GABRR1: variants seen among roughly 807,000 people sequenced by gnomAD.
GABRR1 encodes the protein gamma-aminobutyric acid type A receptor subunit rho1.
GABRR1 carries 59 observed loss-of-function variants against 55.5 expected under a neutral mutation model. That is an observed-to-expected ratio of 1.06 (90% confidence interval 0.86 to 1.32). GABRR1 has a LOEUF of 1.32. Among genes scored for constraint, GABRR1 ranks in the 40% most tolerant of loss-of-function variants. The probability of loss-of-function intolerance (pLI) is 0.00; values close to 1 mark genes in which losing one functional copy is unlikely to be tolerated. For synonymous variants in GABRR1, 213 were observed against 226.0 expected, an observed-to-expected ratio of 0.94 and a Z score of 0.51; for missense variants, 602 against 619.1, an observed-to-expected ratio of 0.97 and a Z score of 0.29.
chr6:89,192,050 A>G (rs2127795042), intron 5 of GABRR1, among the ~76,000 whole-genome samples: 1 of 152,070 alleles, frequency 6.6e-6, no homozygotes, highest in South Asian at 2.1e-4. Context: ...GAAAAAAAAA[A>G]AAAGAAAAAT....
chr6:89,197,948 CA>C (rs758457192), intron 5 of GABRR1, 71 bp downstream of exon 5: 61 of 1,411,738 alleles, frequency 4.3e-5, no homozygotes, highest in Non-Finnish European at 6.0e-5. Context: ...CATTCAGAGC[CA>C]AAAACCCAAA....
intron 7 of GABRR1, 25 bp downstream of exon 7, chr6:89,185,285 C>G: frequency 6.2e-7 from 1 of 1,612,996 alleles, no homozygotes. Context: ...CCTGCCCTGA[C>G]TCTCAGCCCT....
Position 89,187,452 on chromosome 6 carries a change from T to C in GABRR1, c.656-2002A>G, listed in dbSNP as rs562419011. On this transcript the variant is annotated intron_variant, in intron 6 of 9. Coordinates refer to ENST00000454853, the MANE Select transcript of GABRR1 (RefSeq NM_002042.5). ...CCATTCGTGGGTTGCATTTACTCTGTTGATAATGTTTTGATGCACAGCATT... is the reference window on the plus strand; with the variant it reads ...CCATTCGTGGGTTGCATTTACTCTGCTGATAATGTTTTGATGCACAGCATT... 1.6e-4 allele frequency among the ~76,000 whole-genome samples: 24 copies of C among 152,336 alleles called. No individual in the cohort carries two copies. In the South Asian group the frequency reaches 4.8e-3, roughly 30 times the overall value.
chr6:89,199,622 G>A (rs1307950276), intron 3 of GABRR1, among the ~76,000 whole-genome samples, 193 bp from the exon 4 acceptor site: 4 of 152,154 alleles, frequency 2.6e-5, no homozygotes, highest in Non-Finnish European at 4.4e-5. Context: ...TATTCCAACA[G>A]AAGTTTGAAA....
At chr6:89,207,862 A>G (rs1215073263) in intron 1 of GABRR1, among the ~76,000 whole-genome samples, 1 of 152,222 alleles carries the variant, frequency 6.6e-6, no homozygotes, top group East Asian at 1.9e-4. Context: ...CTCTGAGGCC[A>G]TGACCTGGTA....
chr6:89,210,930 G>A (rs1772816058), intron 1 of GABRR1, among the ~76,000 whole-genome samples: 1 of 152,102 alleles, frequency 6.6e-6, no homozygotes, highest in Non-Finnish European at 1.5e-5. Flanking sequence ...CAGGGGGTGA[G>A]GGAAGGCCAA....
At chr6:89,198,298 G>T in intron 4 of GABRR1, 55 bp from the exon 5 acceptor site, 2 of 1,265,220 alleles carry the variant, frequency 1.6e-6, no homozygotes, top group African/African-American at 1.5e-5. Flanking sequence ...CCACTGAGAT[G>T]TGGATTCTGT....
At position 89,199,298 on chromosome 6, in the gene GABRR1, G is replaced by A. The variant is rs1199335243; in HGVS notation, c.348+64C>T. On this transcript the variant is annotated intron_variant, in intron 4 of 9. Coordinates refer to ENST00000454853, the MANE Select transcript of GABRR1 (RefSeq NM_002042.5). The stretch of plus-strand genomic sequence containing the variant: ...GACTAAGTGAATTCAGGTGCGTGGA[G>A]CTCCTGGCCCTGGACCGGCTTTGTG... 1.3e-5 allele frequency: 18 copies of A among 1,428,110 alleles called. 1 individual carries two copies. The highest frequency in any genetic ancestry group is 2.3e-5 in the East Asian group (1 of 43,674). The allele number at this position is 1,428,110 out of a possible 1,614,324, so 88.5% of individuals were successfully genotyped here.
At position 89,178,141 on chromosome 6, in the gene GABRR1, CAGA is replaced by C. The variant is rs1269494607; in HGVS notation, c.*626_*628del. On this transcript the variant is annotated 3_prime_UTR_variant, in exon 10 of 10. Transcript: ENST00000454853. ...CTACCAGGGAAAATTTCACCAAAAT[CAGA>C]AGCAATTGCGCCAATCTAAAGAGCT... 1 of 152,466 alleles carries C rather than the reference CAGA, an allele frequency of 6.6e-6. No individual in the cohort carries two copies. Among genetic ancestry groups the C allele is most frequent in the Admixed American group, 6.5e-5 (1 of 15,312 alleles). The allele number at this position is 152,466 out of a possible 1,614,324, so 9.4% of individuals were successfully genotyped here.
chr6:89,180,324 G>T lies in GABRR1; in HGVS notation c.1114C>A (p.Gln372Lys). Residue 372 changes from glutamine to lysine, a missense_variant, in exon 9 of 10, where the codon CAG (glutamine) becomes AAG (lysine). By Grantham distance (53) the Gln-to-Lys change is moderately conservative (BLOSUM62 1). Around this residue, in one of 3 missense-constraint regions of GABRR1, gnomAD observed 139 missense variants for 141.1 expected, o/e 0.99. Transcript: ENST00000454853. ...YAAVNYLTTV[Q>K]ERKEQKLREK... The stretch of plus-strand genomic sequence containing the variant: ...CGCAGCTTCTGTTCCTTCCTCTCCT[G>T]CACAGTGGTCAGGTAGTTGACGGCC... 1 of 1,613,802 alleles carries T rather than the reference G, an allele frequency of 6.2e-7. No individual in the cohort carries two copies. Among genetic ancestry groups the T allele is most frequent in the African/African-American group, 1.3e-5 (1 of 75,000 alleles).
At position 89,181,938 on chromosome 6, in the gene GABRR1, C is replaced by G. The variant is rs148297742; in HGVS notation, c.916G>C (p.Asp306His). 1.2e-6 allele frequency: 2 copies of G among 1,613,742 alleles called. No homozygotes were observed. Among genetic ancestry groups the G allele is most frequent in the Non-Finnish European group, 1.7e-6 (2 of 1,179,830 alleles). The change falls in exon 8 of 10, where the codon GAC becomes CAC. Residue 306 changes from aspartate (D) to histidine (H), a missense_variant. Transcript: ENST00000454853. ...ACTCTGGCAGGCACGGCTCTGCGGT[C>G]GATCCAGAAGGACACCCAGGACAGC... is the stretch of plus-strand genomic sequence containing the variant. ...VMLSWVSFWI[D>H]RRAVPARVPL...
intron 1 of GABRR1, among the ~76,000 whole-genome samples, chr6:89,207,289 A>C (rs1772681002): frequency 6.6e-6 from 1 of 151,880 alleles, no homozygotes; most frequent in South Asian, 2.1e-4. Flanking sequence ...TGACCTCCTG[A>C]ACTCAAGCTA....
At position 89,223,570 on chromosome 6, in the gene GABRR1, C is replaced by T. The variant is rs113722603; in HGVS notation, c.-410-2124G>A. On this transcript the variant is annotated intron_variant, in intron 1 of 11. Coordinates refer to the GABRR1 transcript ENST00000369451. Reference sequence around the variant, plus strand: ...TTTCCTCTGGATAGATACTCAGTAGCGGGATTGCTGGATCAAATGGTAGTT... The same window carrying T: ...TTTCCTCTGGATAGATACTCAGTAGTGGGATTGCTGGATCAAATGGTAGTT... 6.5e-3 allele frequency among the ~76,000 whole-genome samples: 985 copies of T among 152,250 alleles called. 15 individuals carry two copies. Among genetic ancestry groups the T allele is most frequent in the African/African-American group, 0.023 (939 of 41,562 alleles).
At chr6:89,196,016 A>G (rs1772262161) in intron 5 of GABRR1, among the ~76,000 whole-genome samples, 1 of 152,224 alleles carries the variant, frequency 6.6e-6, no homozygotes, top group Admixed American at 6.5e-5. Context: ...AATATTGAGG[A>G]CATATTTCAG....
intron 5 of GABRR1, among the ~76,000 whole-genome samples, chr6:89,197,181 A>G (rs1208727533): frequency 5.9e-5 from 9 of 152,228 alleles, no homozygotes; most frequent in Admixed American, 2.6e-4. Flanking sequence ...CCATAGGTTT[A>G]TAAGTCTACT....
At chr6:89,217,437 A>G (rs1582409132), upstream of GABRR1, 1 of 333,628 alleles carries the variant, frequency 3.0e-6, no homozygotes, top group East Asian at 5.2e-5. Flanking sequence ...TTACTCATGC[A>G]AAAAAAAAAT....
chr6:89,222,234 C>A (rs1773125189), upstream of GABRR1, among the ~76,000 whole-genome samples: 1 of 152,164 alleles, frequency 6.6e-6, no homozygotes, highest in African/African-American at 2.4e-5. Flanking sequence ...CATCTTATAC[C>A]TGGATAAAAT....
upstream of GABRR1, chr6:89,217,490 C>T: frequency 4.6e-6 from 3 of 657,122 alleles, no homozygotes; most frequent in African/African-American, 1.8e-5. Context: ...AAAGCAATTT[C>T]CACTAAACCT....
At chr6:89,180,625 A>G (rs1439176182) in intron 8 of GABRR1, 137 bp from the exon 9 acceptor site, 5 of 1,022,078 alleles carry the variant, frequency 4.9e-6, no homozygotes, top group Non-Finnish European at 7.1e-6. Flanking sequence ...CCCAGCAAAC[A>G]CCTACACATC....
Sources: gnomAD v4.1 joint callset for allele counts (sites outside exome capture counted in the v4.1 genomes callset) on GRCh38, gnomAD v4.1.1 for gene constraint, gnomAD v4.1.1 regional missense constraint, MANE v1.5 for transcripts, NCBI Gene and HGNC (gene_info 2026-07-23, HGNC 2026-07-21) for gene names.